The following MINDY2 variants were observed in gnomAD, a reference collection of about 807,000 sequenced individuals.
MINDY2 encodes MINDY lysine 48 deubiquitinase 2.
A neutral mutation model predicts 68.2 loss-of-function variants in MINDY2; 52 were observed. The ratio of observed to expected loss-of-function variants is 0.76; its 90% confidence interval spans 0.61 to 0.96. MINDY2 has a LOEUF of 0.96. MINDY2 is among the 40% of genes least tolerant of loss of function. MINDY2 has a pLI of 0.00. For missense variants in MINDY2, 881 were observed against 773.4 expected (o/e 1.14, Z -1.65); for synonymous variants, 372 against 303.0 (o/e 1.23, Z -2.36).
At chr15:58,828,266 A>G (rs1361981111) in intron 5 of MINDY2, among the ~76,000 whole-genome samples, 1 of 152,268 alleles carries the variant, frequency 6.6e-6, no homozygotes, top group Non-Finnish European at 1.5e-5. Flanking sequence ...ACATTAATGT[A>G]TTTGATCTTT....
At position 58,860,684 on chromosome 15, in the gene MINDY2, C is replaced by G. The variant is rs1159478048; in HGVS notation, c.*6074C>G. On this transcript the variant is annotated 3_prime_UTR_variant, in exon 9 of 9. Coordinates refer to ENST00000559228, the MANE Select transcript of MINDY2 (RefSeq NM_001040450.3). Reference sequence around the variant, plus strand: ...AACTGAAATACCTTACAAAGCAGTTCTAACTAATGCAATGTGTTTTTTAAA... The same window carrying G: ...AACTGAAATACCTTACAAAGCAGTTGTAACTAATGCAATGTGTTTTTTAAA... 1 of 151,002 alleles carries G rather than the reference C, an allele frequency of 6.6e-6. No homozygotes were observed. The highest frequency in any genetic ancestry group is 1.5e-5 in the Non-Finnish European group (1 of 67,900). 9.4% of individuals were successfully genotyped at this position (151,002 alleles called of 1,614,324 possible).
In MINDY2 at chr15:58,827,858, G is replaced by T. The variant is rs1292652595; in HGVS notation, c.1226-3916G>T. Among the ~76,000 whole-genome samples the T allele has an allele frequency of 6.6e-5, 10 of 152,178 alleles. 1 individual carries two copies. Among genetic ancestry groups the T allele is most frequent in the African/African-American group, 2.4e-4 (10 of 41,514 alleles). Reference sequence around the variant, plus strand: ...CTCAAGTTGGGTCTTGTGTTCTTTTGTATCTCCTCATCTTTACTTAAGCAC... The same window carrying T: ...CTCAAGTTGGGTCTTGTGTTCTTTTTTATCTCCTCATCTTTACTTAAGCAC... On this transcript the variant is annotated intron_variant, in intron 5 of 8. Coordinates refer to ENST00000559228, the MANE Select transcript of MINDY2 (RefSeq NM_001040450.3).
At chr15:58,774,484 CAAAAAAAGAAAAAAAAAAA>C (rs1900651723) in intron 1 of MINDY2, among the ~76,000 whole-genome samples, 1 of 71,840 alleles carries the variant, frequency 1.4e-5, no homozygotes, top group South Asian at 5.4e-4. Flanking sequence ...AACCCCGTCC[CAAAAAAAGAAAAAAAAAAA>C]AAAAAAAGGA....
intron 4 of MINDY2, among the ~76,000 whole-genome samples, chr15:58,814,872 G>A (rs1014889942): frequency 6.7e-6 from 1 of 150,160 alleles, no homozygotes; most frequent in South Asian, 2.1e-4. Context: ...TGAACTCCTG[G>A]CCTCAAGCAG....
Position 58,854,511 on chromosome 15 carries a change from A to AT in MINDY2, c.1767_1768insT (p.Ser590Ter). ...GCCAGCCAGCACAAGCCTCTCCATCAAGTGGAAGACAATCTGGGAATAGTG... is the reference window on the plus strand; with the variant it reads ...GCCAGCCAGCACAAGCCTCTCCATCATAGTGGAAGACAATCTGGGAATAGTG... On this transcript the variant is annotated frameshift_variant, in exon 9 of 9. Transcript: ENST00000559228. LOFTEE classifies it high-confidence loss of function. The AT allele has an allele frequency of 6.2e-7, 1 of 1,613,872 alleles. No homozygotes were observed. Among genetic ancestry groups the AT allele is most frequent in the Non-Finnish European group, 8.5e-7 (1 of 1,179,918 alleles).
intron 4 of MINDY2, chr15:58,815,454 A>T (rs531416974): frequency 1.3e-5 from 2 of 152,164 alleles, no homozygotes; most frequent in Admixed American, 1.3e-4. Context: ...GTGCTCAAGC[A>T]ATCCTCCCTA....
At position 58,849,209 on chromosome 15, in the gene MINDY2, C is replaced by CA. The variant is rs758280065; in HGVS notation, c.1542+1750dup. Among the ~76,000 whole-genome samples the CA allele has an allele frequency of 4.3e-3, 536 of 124,958 alleles. 5 individuals carry two copies. Among genetic ancestry groups the CA allele is most frequent in the African/African-American group, 0.015 (482 of 33,004 alleles). The allele number at this position is 124,958 out of a possible 152,430, so 82.0% of individuals were successfully genotyped here. On this transcript the variant is annotated intron_variant, in intron 7 of 8. Transcript: ENST00000559228. ...TGGGTGACAGAGCAAGAGTCTGTCT[C>CA]AAAAAAAAAAAGGCTGGGCACGGTG...
At chr15:58,834,563 CTT>C (rs1332157162) in intron 6 of MINDY2, among the ~76,000 whole-genome samples, 5 of 152,138 alleles carry the variant, frequency 3.3e-5, no homozygotes, top group Non-Finnish European at 7.3e-5. Flanking sequence ...ATTTTGAGTG[CTT>C]TTCAGGTTAT....
rs2033012144 is a variant in MINDY2 at position 58,854,979 on chromosome 15, C to T, written c.*369C>T. ...AATGAATGGAGGTAATTGATTTAGT[C>T]TGATTCCTTCCTGAAATCTAAATAT... is the stretch of plus-strand genomic sequence containing the variant. On this transcript the variant is annotated 3_prime_UTR_variant, in exon 9 of 9. Coordinates refer to ENST00000559228, the MANE Select transcript of MINDY2 (RefSeq NM_001040450.3). The T allele has an allele frequency of 6.5e-6, 1 of 154,730 alleles. No individual in the cohort carries two copies. 9.6% of individuals were successfully genotyped at this position (154,730 alleles called of 1,614,324 possible).
chr15:58,843,149 T>G (rs2141047922), intron 6 of MINDY2, among the ~76,000 whole-genome samples: 1 of 152,174 alleles, frequency 6.6e-6, no homozygotes, highest in Middle Eastern at 3.4e-3. Context: ...TGTGTTTAGG[T>G]GTGTTGGTGT....
At chr15:58,789,557 A>G (rs1901744187) in intron 2 of MINDY2, among the ~76,000 whole-genome samples, 1 of 152,016 alleles carries the variant, frequency 6.6e-6, no homozygotes, top group Non-Finnish European at 1.5e-5. Flanking sequence ...CCCTAGGCTC[A>G]GGTGATCCTC....
At chr15:58,834,734 G>C (rs1476281579) in intron 6 of MINDY2, among the ~76,000 whole-genome samples, 1 of 152,110 alleles carries the variant, frequency 6.6e-6, no homozygotes, top group African/African-American at 2.4e-5. Context: ...GCTTATTAAA[G>C]TCGTGAATTA....
chr15:58,791,642 GTGTGTGTGTGTGTGTGTGTA>G (rs1264179641), intron 2 of MINDY2, among the ~76,000 whole-genome samples: 2 of 150,040 alleles, frequency 1.3e-5, no homozygotes, highest in African/African-American at 2.5e-5. Context: ...GTGTGTGTGT[GTGTGTGTGTGTGTGTGTGTA>G]TGTGTGTGTG....
At chr15:58,811,797 A>G (rs1328241558) in intron 4 of MINDY2, among the ~76,000 whole-genome samples, 1 of 151,412 alleles carries the variant, frequency 6.6e-6, no homozygotes. Context: ...ATAGAGAAGA[A>G]ATGGAGAGTC....
chr15:58,785,508 G>A (rs1007295045), intron 1 of MINDY2, among the ~76,000 whole-genome samples: 4 of 152,068 alleles, frequency 2.6e-5, no homozygotes, highest in South Asian at 2.1e-4. Context: ...GCCAGAGATG[G>A]TACATTAACA....
rs770732516 is a variant in MINDY2, at chr15:58,847,487, G to A, written c.1542+17G>A. The A allele has an allele frequency of 1.5e-5, 22 of 1,502,962 alleles. No homozygotes were observed. The highest frequency in any genetic ancestry group is 1.1e-4 in the South Asian group (8 of 72,638). 93.1% of individuals were successfully genotyped at this position (1,502,962 alleles called of 1,614,324 possible). ...ATAGATCAGGTAAATTTGTATTGTCGTCTTTATAGTGGTTAAAATGCTGAT... is the reference window on the plus strand; with the variant it reads ...ATAGATCAGGTAAATTTGTATTGTCATCTTTATAGTGGTTAAAATGCTGAT... On this transcript the variant is annotated intron_variant, in intron 7 of 8. Coordinates refer to ENST00000559228, the MANE Select transcript of MINDY2 (RefSeq NM_001040450.3).
Position 58,821,765 on chromosome 15 carries a change from G to A in MINDY2, c.1171G>A (p.Val391Met). The A allele has an allele frequency of 6.3e-7, 1 of 1,591,206 alleles. No individual in the cohort carries two copies. Among genetic ancestry groups the A allele is most frequent in the Non-Finnish European group, 8.5e-7 (1 of 1,172,148 alleles). ...TGGTAACTGCAGCTACAACCAACTA[G>A]TGGAGAAGATCATCTCTTGTAAACA... is the stretch of plus-strand genomic sequence containing the variant. Reference protein sequence around the residue: ...AVGNCSYNQLVEKIISCKQSD... With the variant: ...AVGNCSYNQLMEKIISCKQSD... Residue 391 changes from valine to methionine, a missense_variant, in exon 5 of 9, where the codon GTG (valine) becomes ATG (methionine). Coordinates refer to ENST00000559228, the MANE Select transcript of MINDY2 (RefSeq NM_001040450.3).
rs1254602182 is a variant in MINDY2 at position 58,855,614 on chromosome 15, A to G, written c.*1004A>G. 5 of 152,762 alleles carry G rather than the reference A, an allele frequency of 3.3e-5. 1 individual carries two copies. Among genetic ancestry groups the G allele is most frequent in the African/African-American group, 1.2e-4 (5 of 41,596 alleles). 9.5% of individuals were successfully genotyped at this position (152,762 alleles called of 1,614,324 possible). On this transcript the variant is annotated 3_prime_UTR_variant, in exon 9 of 9. Transcript: ENST00000559228. ...TAGAGATAATCTCTGTGTCTTATAA[A>G]AAGACATTAATAAAAATCTGAAAGG...
intron 1 of MINDY2, among the ~76,000 whole-genome samples, chr15:58,782,513 A>T (rs796084946): frequency 1.1e-4 from 17 of 152,286 alleles, no homozygotes; most frequent in African/African-American, 3.8e-4. Context: ...CATTGTTATC[A>T]ATTGTATGGA....
Sources: gnomAD v4.1 joint callset for allele counts (sites outside exome capture counted in the v4.1 genomes callset) on GRCh38, gnomAD v4.1.1 for gene constraint, MANE v1.5 for transcripts, NCBI Gene and HGNC (gene_info 2026-07-23, HGNC 2026-07-21) for gene names.